Variants in RFTN1 observed in about 807,000 individuals in gnomAD.
The protein encoded by RFTN1 is raftlin.
Under a neutral mutation model 46.5 loss-of-function variants are expected in RFTN1, and 26 were observed. The observed-to-expected ratio is 0.56, with a 90% confidence interval of 0.41 to 0.78. The LOEUF is 0.78. Among genes scored for constraint, RFTN1 ranks in the 30% least tolerant of loss-of-function variants. RFTN1 has a pLI of 0.00. For missense variants in RFTN1, 693 were observed against 718.7 expected, an observed-to-expected ratio of 0.96 and a Z score of 0.41; for synonymous variants, 261 against 284.2, an observed-to-expected ratio of 0.92 and a Z score of 0.82.
intron 2 of RFTN1, among the ~76,000 whole-genome samples, chr3:16,485,948 A>C (rs1437049391): frequency 1.3e-5 from 2 of 152,356 alleles, no homozygotes; most frequent in East Asian, 3.9e-4. Flanking sequence ...TCTTCATCTG[A>C]AAAGAAAAGA....
Position 16,509,956 on chromosome 3 carries a change from T to C in RFTN1, c.-9+3486A>G, listed in dbSNP as rs918061308. Among the ~76,000 whole-genome samples, 2 of 152,156 alleles carry C rather than the reference T, an allele frequency of 1.3e-5. No homozygotes were observed. Among genetic ancestry groups the C allele is most frequent in the Admixed American group, 6.5e-5 (1 of 15,278 alleles). ...GGACACCTTGATGGGATGCAAAACA[T>C]GCATCCTGGGGTCCCACTCAGACAG... On this transcript the variant is annotated intron_variant, in intron 1 of 9. Coordinates refer to ENST00000334133, the MANE Select transcript of RFTN1 (RefSeq NM_015150.2). The surrounding 1 kb of genome is among the most constrained non-coding windows in gnomAD (Gnocchi z 4.9).
At chr3:16,318,667 A>T (rs1464954272) in intron 9 of RFTN1, among the ~76,000 whole-genome samples, 1 of 152,254 alleles carries the variant, frequency 6.6e-6, no homozygotes, top group Non-Finnish European at 1.5e-5. Flanking sequence ...ATGTTCCATT[A>T]AAGTAGAGAA....
At chr3:16,453,912 A>C (rs1403732109) in intron 2 of RFTN1, among the ~76,000 whole-genome samples, 1 of 152,114 alleles carries the variant, frequency 6.6e-6, no homozygotes, top group Non-Finnish European at 1.5e-5. Context: ...GCAAAATGCA[A>C]ATAATGCAAA....
In RFTN1 at chr3:16,376,390, G is replaced by T. The variant is rs1305679998; in HGVS notation, c.826+1328C>A. ...ATCACTCCTGCCCTTTCTCCTGGGG[G>T]CCTCTGCCTGGCCTGACTCTCGCCC... On this transcript the variant is annotated intron_variant, in intron 5 of 9. Transcript: ENST00000334133. The surrounding 1 kb of genome is among the most constrained non-coding windows in gnomAD (Gnocchi z 4.7). Among the ~76,000 whole-genome samples, 5 of 152,220 alleles carry T rather than the reference G, an allele frequency of 3.3e-5. No homozygotes were observed. The highest frequency in any genetic ancestry group is 6.8e-3 in the Middle Eastern group (2 of 292).
At position 16,426,424 on chromosome 3, in the gene RFTN1, T is replaced by C. The variant is rs1294037528; in HGVS notation, c.332+7427A>G. Among the ~76,000 whole-genome samples the C allele has an allele frequency of 1.3e-5, 2 of 152,188 alleles. No individual in the cohort carries two copies. Among genetic ancestry groups the C allele is most frequent in the African/African-American group, 4.8e-5 (2 of 41,448 alleles). On this transcript the variant is annotated intron_variant, in intron 3 of 9. Coordinates refer to ENST00000334133, the MANE Select transcript of RFTN1 (RefSeq NM_015150.2). This position sits in a 1 kb window ranked among gnomAD's most constrained non-coding sequence, Gnocchi z 5.9. ...TAAAGGATTTTCTTTTTAGTTTCAGTATAATTTTGTACTTTCCCAATTTTG... is the reference window on the plus strand; with the variant it reads ...TAAAGGATTTTCTTTTTAGTTTCAGCATAATTTTGTACTTTCCCAATTTTG...
chr3:16,499,185 T>C lies in RFTN1; in HGVS notation c.-8-5308A>G, dbSNP rs550082708. Among the ~76,000 whole-genome samples the C allele has an allele frequency of 2.6e-5, 4 of 152,100 alleles. No individual in the cohort carries two copies. The highest frequency in any genetic ancestry group is 4.8e-5 in the African/African-American group (2 of 41,382). On this transcript the variant is annotated intron_variant, in intron 1 of 9. Transcript: ENST00000334133. The surrounding 1 kb of genome is among the most constrained non-coding windows in gnomAD (Gnocchi z 4.9). ...CTCTAGTAAGGTGGAAGGTAAATGG[T>C]AAGTAGGATGGTTTTTAAATGTGGC...
intron 3 of RFTN1, among the ~76,000 whole-genome samples, chr3:16,432,013 C>T (rs545270610): frequency 6.6e-6 from 1 of 152,252 alleles, no homozygotes; most frequent in Non-Finnish European, 1.5e-5. Context: ...GTTTTCTCAC[C>T]TTTAAAATGG....
rs1325332127 is a variant in RFTN1 at position 16,374,378 on chromosome 3, G to A, written c.826+3340C>T. On this transcript the variant is annotated intron_variant, in intron 5 of 9. Transcript: ENST00000334133. The surrounding 1 kb of genome is among the most constrained non-coding windows in gnomAD (Gnocchi z 5.4). ...AATGGACTGAGTAAAAGGCCAGAAA[G>A]ATGGCGGCAGGTGGCAGATCTGGGA... Among the ~76,000 whole-genome samples the A allele has an allele frequency of 6.6e-6, 1 of 152,236 alleles. No homozygotes were observed. The highest frequency in any genetic ancestry group is 1.5e-5 in the Non-Finnish European group (1 of 68,044).
chr3:16,503,090 C>A (rs1015239717), intron 1 of RFTN1, among the ~76,000 whole-genome samples: 4 of 152,138 alleles, frequency 2.6e-5, no homozygotes, highest in Non-Finnish European at 1.5e-5. Flanking sequence ...TGCTTACCCC[C>A]ACTCCTCCAA....
At position 16,448,030 on chromosome 3, in the gene RFTN1, C is replaced by T. The variant is rs1307434953; in HGVS notation, c.146-13993G>A. ...CCCTTCCATCCAGGGAGCCACCAGCCACATGTGGCTATCGAGCATCTGAAA... is the reference window on the plus strand; with the variant it reads ...CCCTTCCATCCAGGGAGCCACCAGCTACATGTGGCTATCGAGCATCTGAAA... On this transcript the variant is annotated intron_variant, in intron 2 of 9. Transcript: ENST00000334133. This position sits in a 1 kb window ranked among gnomAD's most constrained non-coding sequence, Gnocchi z 4.1. Among the ~76,000 whole-genome samples, 1 of 151,630 alleles carries T rather than the reference C, an allele frequency of 6.6e-6. No homozygotes were observed. Among genetic ancestry groups the T allele is most frequent in the Non-Finnish European group, 1.5e-5 (1 of 67,964 alleles).
In RFTN1 at chr3:16,341,537, T is replaced by G. The variant is rs919205954; in HGVS notation, c.1147-14661A>C. ...ATATTACTAAGTGAAAGAAGCCAAC[T>G]GGAAAAGGCTACATACTGTATGGGA... On this transcript the variant is annotated intron_variant, in intron 7 of 9. Coordinates refer to ENST00000334133, the MANE Select transcript of RFTN1 (RefSeq NM_015150.2). The surrounding 1 kb of genome is among the most constrained non-coding windows in gnomAD (Gnocchi z 4.7). Among the ~76,000 whole-genome samples, 8 of 152,154 alleles carry G rather than the reference T, an allele frequency of 5.3e-5. No homozygotes were observed. Among genetic ancestry groups the G allele is most frequent in the South Asian group, 4.1e-4 (2 of 4,830 alleles).
rs1012950436 is a variant in RFTN1 at position 16,440,910 on chromosome 3, C to A, written c.146-6873G>T. On this transcript the variant is annotated intron_variant, in intron 2 of 9. Transcript: ENST00000334133. The surrounding 1 kb of genome is among the most constrained non-coding windows in gnomAD (Gnocchi z 4.6). ...TTCCTATTTCTGATCCTGCCACTGT[C>A]CAGGCGCAGTGTGAGCATCAGTCAT... is the stretch of plus-strand genomic sequence containing the variant. Among the ~76,000 whole-genome samples the A allele has an allele frequency of 6.6e-6, 1 of 152,154 alleles. No homozygotes were observed. The highest frequency in any genetic ancestry group is 2.4e-5 in the African/African-American group (1 of 41,420).
In RFTN1 at chr3:16,344,190, T is replaced by C. The variant is rs1201461883; in HGVS notation, c.1146+13742A>G. On this transcript the variant is annotated intron_variant, in intron 7 of 9. Transcript: ENST00000334133. The surrounding 1 kb of genome is among the most constrained non-coding windows in gnomAD (Gnocchi z 4.4). ...GAGCTTAAATACAATTTGTTGATAC[T>C]TAAATGTATTCCTATTACATTTTAT... Among the ~76,000 whole-genome samples, 4 of 152,352 alleles carry C rather than the reference T, an allele frequency of 2.6e-5. No homozygotes were observed. The East Asian group carries it at 7.7e-4, about 29-fold the overall frequency.
At chr3:16,362,050 C>T (rs1044898703) in intron 6 of RFTN1, among the ~76,000 whole-genome samples, 1 of 152,214 alleles carries the variant, frequency 6.6e-6, no homozygotes, top group African/African-American at 2.4e-5. Context: ...CAATGCACAA[C>T]CTAGACCTAA....
rs939422004 is a variant in RFTN1, at chr3:16,483,802, C to A, written c.145+9923G>T. Among the ~76,000 whole-genome samples the A allele has an allele frequency of 6.6e-6, 1 of 152,122 alleles. No homozygotes were observed. The highest frequency in any genetic ancestry group is 1.5e-5 in the Non-Finnish European group (1 of 68,034). The stretch of plus-strand genomic sequence containing the variant: ...ACTCCACATGATCTTTTAAGGTTCT[C>A]CAAGTGTGGTCCCCAGACCAGCAGC... On this transcript the variant is annotated intron_variant, in intron 2 of 9. Transcript: ENST00000334133. This position sits in a 1 kb window ranked among gnomAD's most constrained non-coding sequence, Gnocchi z 4.8.
At chr3:16,390,508 T>C (rs2074318836) in intron 4 of RFTN1, among the ~76,000 whole-genome samples, 1 of 152,226 alleles carries the variant, frequency 6.6e-6, no homozygotes, top group Admixed American at 6.5e-5. Context: ...GCAGCTTAGC[T>C]TACATTATTA....
rs2068445983 is a variant in RFTN1 at position 16,316,862 on chromosome 3, TC to T, written c.1702del (p.Glu568LysfsTer22). On this transcript the variant is annotated frameshift_variant, in exon 10 of 10. Transcript: ENST00000334133. LOFTEE classifies it low-confidence loss of function (END_TRUNC). This position sits in a 1 kb window ranked among gnomAD's most constrained non-coding sequence, Gnocchi z 4.5. ...TTCAACCGTACCAAGCTCTCTGACTTCCTCAGCATCCCCGTCCCTGGCATCC... is the reference window on the plus strand; with the variant it reads ...TTCAACCGTACCAAGCTCTCTGACTTCTCAGCATCCCCGTCCCTGGCATCC... ...GEDARDGDAE[E>X]VRELGTVEEN 1.2e-6 allele frequency: 2 copies of T among 1,614,132 alleles called. No individual in the cohort carries two copies. Among genetic ancestry groups the T allele is most frequent in the East Asian group, 4.5e-5 (2 of 44,876 alleles).
At chr3:16,430,955 C>T (rs1046727297) in intron 3 of RFTN1, among the ~76,000 whole-genome samples, 3 of 152,366 alleles carry the variant, frequency 2.0e-5, no homozygotes, top group Middle Eastern at 3.4e-3. Flanking sequence ...CCCAGCTTCA[C>T]TGCTGGCTTA....
chr3:16,391,508 T>C (rs1559317509), intron 4 of RFTN1, among the ~76,000 whole-genome samples: 1 of 152,230 alleles, frequency 6.6e-6, no homozygotes, highest in Non-Finnish European at 1.5e-5. Context: ...CAGAAGGCAA[T>C]GTTTATTTTT....
Sources: gnomAD v4.1 joint callset for allele counts (sites outside exome capture counted in the v4.1 genomes callset) on GRCh38, gnomAD v4.1.1 for gene constraint, Gnocchi (gnomAD v3.1) non-coding constraint, MANE v1.5 for transcripts, NCBI Gene and HGNC (gene_info 2026-07-23, HGNC 2026-07-21) for gene names.